MAP1B: variants seen among roughly 807,000 people sequenced by gnomAD.
MAP1B encodes the protein microtubule-associated protein 1B.
In MAP1B, 12 loss-of-function variants were observed where a neutral mutation model predicts 176.1. The observed-to-expected ratio is 0.07, with a 90% confidence interval of 0.04 to 0.11. The LOEUF (loss-of-function observed/expected upper bound fraction) is 0.11, where lower values mean the gene tolerates loss of function less well. MAP1B is among the 10% of genes least tolerant of loss of function. MAP1B has a pLI of 1.00. For synonymous variants in MAP1B, 1,044 were observed against 1,135.0 expected, an observed-to-expected ratio of 0.92 and a Z score of 1.61; for missense variants, 2,523 against 2,990.5, an observed-to-expected ratio of 0.84 and a Z score of 3.65.
intron 5 of MAP1B, among the ~76,000 whole-genome samples, chr5:72,202,198 G>C (rs1360177816): frequency 1.3e-5 from 2 of 152,168 alleles, no homozygotes; most frequent in African/African-American, 2.4e-5. Context: ...GTGCTTCTGT[G>C]AGCAATATTC....
At chr5:72,120,819 T>C (rs1225759051) in intron 2 of MAP1B, among the ~76,000 whole-genome samples, 1 of 152,236 alleles carries the variant, frequency 6.6e-6, no homozygotes, top group African/African-American at 2.4e-5. Context: ...GAACGAGTGC[T>C]GTCTCCCTTC....
intron 2 of MAP1B, among the ~76,000 whole-genome samples, chr5:72,119,621 C>A (rs930695236): frequency 1.3e-5 from 2 of 152,212 alleles, no homozygotes; most frequent in Non-Finnish European, 2.9e-5. Context: ...GATCCCCCCA[C>A]CTCAGCCTCC....
intron 2 of MAP1B, among the ~76,000 whole-genome samples, chr5:72,144,909 C>T (rs1746017542): frequency 6.6e-6 from 1 of 152,158 alleles, no homozygotes; most frequent in Non-Finnish European, 1.5e-5. Flanking sequence ...AACTGAAACA[C>T]AGATCCTTCT....
At chr5:72,158,656 C>G (rs549044521) in intron 2 of MAP1B, among the ~76,000 whole-genome samples, 11 of 152,208 alleles carry the variant, frequency 7.2e-5, no homozygotes, top group Middle Eastern at 3.4e-3. Context: ...TAATGAGACC[C>G]AAATCCTGGG....
Position 72,204,718 on chromosome 5 carries a change from G to A in MAP1B, c.7252-366G>A, listed in dbSNP as rs771028504. 1.2e-4 allele frequency among the ~76,000 whole-genome samples: 19 copies of A among 152,068 alleles called. No individual in the cohort carries two copies. Among genetic ancestry groups the A allele is most frequent in the Non-Finnish European group, 2.1e-4 (14 of 68,024 alleles). On this transcript the variant is annotated intron_variant, in intron 6 of 6. Transcript: ENST00000296755. This position sits in a 1 kb window ranked among gnomAD's most constrained non-coding sequence, Gnocchi z 4.4. ...GGCTTTTGAGGGCTTTGAAGTGCGC[G>A]ATAAAATCCTTGGATTAAATATGCA...
intron 2 of MAP1B, among the ~76,000 whole-genome samples, chr5:72,149,391 C>T (rs1037600170): frequency 3.3e-5 from 5 of 152,148 alleles, no homozygotes; most frequent in African/African-American, 4.8e-5. Context: ...TTAGGAGGGG[C>T]GGTAAGCAAA....
intron 5 of MAP1B, among the ~76,000 whole-genome samples, chr5:72,200,981 T>C (rs1175777370): frequency 1.3e-5 from 2 of 152,004 alleles, no homozygotes; most frequent in Non-Finnish European, 2.9e-5. Flanking sequence ...CCGGTGAAAA[T>C]TGAGAGAAAA....
Position 72,205,365 on chromosome 5 carries a change from T to C in MAP1B, c.*126T>C. The C allele has an allele frequency of 1.1e-6, 1 of 920,632 alleles. No individual in the cohort carries two copies. Among genetic ancestry groups the C allele is most frequent in the Non-Finnish European group, 1.6e-6 (1 of 610,696 alleles). 57.0% of individuals were successfully genotyped at this position (920,632 alleles called of 1,614,324 possible). ...CTGAACAATTACCTGCCAAATGCTA[T>C]ACTGTGTCATGGTGATGCAAGTCAC... On this transcript the variant is annotated 3_prime_UTR_variant, in exon 7 of 7. Transcript: ENST00000296755.
chr5:72,108,700 C>T (rs1745206989), intron 1 of MAP1B, among the ~76,000 whole-genome samples: 1 of 152,088 alleles, frequency 6.6e-6, no homozygotes, highest in African/African-American at 2.4e-5. Context: ...CACACTGCGG[C>T]GCCCCCGTCG....
rs1170643681 is a variant in MAP1B at position 72,198,892 on chromosome 5, C to A, written c.5537C>A (p.Ala1846Asp). 4 of 1,614,072 alleles carry A rather than the reference C, an allele frequency of 2.5e-6. No individual in the cohort carries two copies. The highest frequency in any genetic ancestry group is 1.7e-5 in the Admixed American group (1 of 60,002). The change falls in exon 5 of 7, where the codon GCC becomes GAC. Residue 1846 changes from alanine (A) to aspartate (D), a missense_variant. Around this residue, in one of 4 missense-constraint regions of MAP1B, gnomAD observed 1,925 missense variants for 2,126.0 expected, o/e 0.91. Transcript: ENST00000296755. ...TTCGATACAATGCAACACCATCTAG[C>A]CTTGAATAGAGATTTGTCCACACCT... ...VLFDTMQHHL[A>D]LNRDLSTPGL...
At chr5:72,191,975 A>G (rs553269200) in intron 4 of MAP1B, among the ~76,000 whole-genome samples, 2 of 152,350 alleles carry the variant, frequency 1.3e-5, no homozygotes, top group Admixed American at 6.5e-5. Context: ...AAAAAGAGCC[A>G]GTGATTGAAT....
chr5:72,154,419 G>A (rs1457215055), intron 2 of MAP1B, among the ~76,000 whole-genome samples: 2 of 152,232 alleles, frequency 1.3e-5, no homozygotes, highest in East Asian at 1.9e-4. Context: ...AACAGACACA[G>A]GAGTAGTATC....
At chr5:72,140,738 G>T in intron 2 of MAP1B, among the ~76,000 whole-genome samples, 1 of 152,124 alleles carries the variant, frequency 6.6e-6, no homozygotes, top group East Asian at 1.9e-4. Flanking sequence ...TGTGATTATC[G>T]AAGCAATCCT....
At chr5:72,130,092 T>C (rs1745701698) in intron 2 of MAP1B, among the ~76,000 whole-genome samples, 1 of 151,414 alleles carries the variant, frequency 6.6e-6, no homozygotes, top group Admixed American at 6.6e-5. Context: ...CATCACAAAT[T>C]TGAAGCTAGT....
At chr5:72,138,258 A>G (rs554534640) in intron 2 of MAP1B, among the ~76,000 whole-genome samples, 20 of 152,306 alleles carry the variant, frequency 1.3e-4, no homozygotes, top group Non-Finnish European at 2.4e-4. Flanking sequence ...CACATACCAA[A>G]TGGCCAATAA....
At chr5:72,116,412 T>G (rs1232719210) in intron 2 of MAP1B, 1 of 413,240 alleles carries the variant, frequency 2.4e-6, no homozygotes, top group Admixed American at 3.3e-5. Context: ...TAAAATAGCC[T>G]TTTTTTCAGA....
chr5:72,205,722 A>G lies in MAP1B; in HGVS notation c.*483A>G, dbSNP rs1747435009. 6.5e-6 allele frequency: 1 copy of G among 152,854 alleles called. No individual in the cohort carries two copies. 9.5% of individuals were successfully genotyped at this position (152,854 alleles called of 1,614,324 possible). A position where few individuals can be genotyped will look rare whatever the true frequency, so the allele number is the denominator to read the frequency against. On this transcript the variant is annotated 3_prime_UTR_variant, in exon 7 of 7. Transcript: ENST00000296755. ...AGAAAAAGAGAGAGCAGGGTGGGGT[A>G]AGGAGGAGAAAATAAACCAACAATT... is the stretch of plus-strand genomic sequence containing the variant.
At chr5:72,137,352 A>G (rs554471317) in intron 2 of MAP1B, among the ~76,000 whole-genome samples, 2 of 152,332 alleles carry the variant, frequency 1.3e-5, no homozygotes, top group African/African-American at 4.8e-5. Flanking sequence ...ACAAGGGATG[A>G]TAGGCAATAA....
intron 2 of MAP1B, among the ~76,000 whole-genome samples, chr5:72,182,295 C>T (rs887007141): frequency 6.6e-6 from 1 of 152,156 alleles, no homozygotes; most frequent in Non-Finnish European, 1.5e-5. Context: ...ATAAAGTTGC[C>T]TATTCTAGAG....
Sources: gnomAD v4.1 joint callset for allele counts (sites outside exome capture counted in the v4.1 genomes callset) on GRCh38, gnomAD v4.1.1 for gene constraint, gnomAD v4.1.1 regional missense constraint, Gnocchi (gnomAD v3.1) non-coding constraint, MANE v1.5 for transcripts, NCBI Gene and HGNC (gene_info 2026-07-23, HGNC 2026-07-21) for gene names.